PRKAR1A: variants seen among roughly 807,000 people sequenced by gnomAD.
PRKAR1A encodes cAMP-dependent protein kinase type I-alpha regulatory subunit.
PRKAR1A carries 3 observed loss-of-function variants against 52.0 expected under a neutral mutation model. The ratio of observed to expected loss-of-function variants is 0.06; its 90% CI spans 0.03 to 0.15. PRKAR1A has a LOEUF of 0.15. Among genes scored for constraint, PRKAR1A ranks in the 10% least tolerant of loss-of-function variants. The pLI is 1.00. For missense variants in PRKAR1A, 240 were observed against 477.4 expected, an observed-to-expected ratio of 0.50 and a Z score of 4.63; for synonymous variants, 188 against 168.4, an observed-to-expected ratio of 1.12 and a Z score of -0.90.
chr17:68,520,697 T>G (rs1307350920), intron 2 of PRKAR1A, among the ~76,000 whole-genome samples: 1 of 152,144 alleles, frequency 6.6e-6, no homozygotes, highest in Admixed American at 6.5e-5. Flanking sequence ...AGTTGTCAGA[T>G]TAGGTTATAT....
chr17:68,420,548 C>CA, the PRKAR1A span: 4 of 1,449,872 alleles, frequency 2.8e-6, no homozygotes, highest in East Asian at 9.1e-5. Flanking sequence ...TCTTTACAAA[C>CA]ACACGCTTTA....
At chr17:68,451,006 G>A in the PRKAR1A span, 4 of 1,422,694 alleles carry the variant, frequency 2.8e-6, no homozygotes, top group Non-Finnish European at 2.8e-6. Context: ...GGTTCTCCGG[G>A]TCTTGCCGGC....
Position 68,533,423 on chromosome 17 carries a change from T to C in PRKAR1A, c.*2974T>C. On this transcript the variant is annotated 3_prime_UTR_variant, in exon 11 of 11. Transcript: ENST00000589228. ...CTTTAGAGTCACAATAAAATGTAAC[T>C]AAAGAAAATTTCTCTGGGTTGACAG... 1 of 1,056,458 alleles carries C rather than the reference T, an allele frequency of 9.5e-7. No homozygotes were observed. The highest frequency in any genetic ancestry group is 5.2e-5 in the East Asian group (1 of 19,054). The allele number at this position is 1,056,458 out of a possible 1,614,324, so 65.4% of individuals were successfully genotyped here. A position where few individuals can be genotyped will look rare whatever the true frequency, so the allele number is the denominator to read the frequency against.
At chr17:68,490,034 A>C in the PRKAR1A span, among the ~76,000 whole-genome samples, 2 of 152,214 alleles carry the variant, frequency 1.3e-5, no homozygotes, top group Non-Finnish European at 2.9e-5. Flanking sequence ...TGTTTAGAAA[A>C]GGAGATGAGC....
At chr17:68,421,704 C>T in the PRKAR1A span, 1 of 1,608,876 alleles carries the variant, frequency 6.2e-7, no homozygotes, top group Non-Finnish European at 8.5e-7. Flanking sequence ...CTCCATTCTT[C>T]CGCCTTCCTT....
the PRKAR1A span, chr17:68,457,496 C>T: frequency 2.4e-6 from 3 of 1,276,080 alleles, no homozygotes; most frequent in African/African-American, 3.2e-5. Flanking sequence ...GCCGGCTCCA[C>T]GGGCCGGGTC....
chr17:68,490,730 A>C, the PRKAR1A span, among the ~76,000 whole-genome samples: 8 of 151,870 alleles, frequency 5.3e-5, no homozygotes, highest in Non-Finnish European at 8.8e-5. Context: ...AAAAGAAAGC[A>C]CTCCCTCTAC....
At chr17:68,424,534 GGC>G in the PRKAR1A span, 1 of 532,992 alleles carries the variant, frequency 1.9e-6, no homozygotes. Context: ...GTGCCCAAGT[GGC>G]AGCTCCTCTC....
At chr17:68,500,115 C>G in the PRKAR1A span, among the ~76,000 whole-genome samples, 2 of 152,220 alleles carry the variant, frequency 1.3e-5, no homozygotes, top group East Asian at 3.8e-4. Flanking sequence ...GGATGACTCA[C>G]AGACTTCTGA....
intron 1 of PRKAR1A, chr17:68,513,104 T>A (rs540373162): frequency 1.2e-4 from 16 of 137,978 alleles, no homozygotes; most frequent in African/African-American, 4.2e-4. Context: ...CTTGTCCCCT[T>A]TCACCTCTCT....
At chr17:68,478,638 G>A in the PRKAR1A span, among the ~76,000 whole-genome samples, 2 of 151,552 alleles carry the variant, frequency 1.3e-5, no homozygotes, top group South Asian at 4.2e-4. Context: ...ATCTGAATGT[G>A]TCTATATTTT....
chr17:68,516,686 CTGAT>C (rs889052213), intron 2 of PRKAR1A, among the ~76,000 whole-genome samples: 8 of 151,762 alleles, frequency 5.3e-5, no homozygotes, highest in Admixed American at 5.3e-4. Context: ...TCTTTAAAAA[CTGAT>C]TGTTAAAATT....
At chr17:68,510,155 T>TAGAG (rs1373007194), upstream of PRKAR1A, among the ~76,000 whole-genome samples, 1 of 74,374 alleles carries the variant, frequency 1.3e-5, no homozygotes, top group Admixed American at 1.4e-4. Context: ...TATATATATG[T>TAGAG]AGACAGAGAG....
chr17:68,537,467 C>T (rs944183650), downstream of PRKAR1A: 3 of 1,613,978 alleles, frequency 1.9e-6, no homozygotes, highest in African/African-American at 4.0e-5. This position sits in a 1 kb window ranked among gnomAD's most constrained non-coding sequence, Gnocchi z 4.2. Flanking sequence ...AAACTGGACT[C>T]TGCCAGCCCT....
At chr17:68,424,173 T>C in the PRKAR1A span, among the ~76,000 whole-genome samples, 1 of 152,098 alleles carries the variant, frequency 6.6e-6, no homozygotes, top group Admixed American at 6.6e-5. Flanking sequence ...GTTTTGAAGT[T>C]TATAATTAGT....
the PRKAR1A span, chr17:68,428,793 C>G: frequency 6.5e-7 from 1 of 1,533,818 alleles, no homozygotes; most frequent in Non-Finnish European, 9.0e-7. Flanking sequence ...ACGACCAGCT[C>G]TCGAAAGGCT....
rs754871684 is a variant in PRKAR1A, at chr17:68,542,092, G to C, written c.974-8992G>C. ...AGGCAGAGAGGGAACCCTCCAGCAG[G>C]TGTGGGTTGCCACAGACAGCATACT... On this transcript the variant is annotated intron_variant, in intron 11 of 11. Coordinates refer to the PRKAR1A transcript ENST00000585981. The C allele has an allele frequency of 2.5e-6, 4 of 1,613,994 alleles. No individual in the cohort carries two copies. In the Admixed American group the frequency reaches 5.0e-5, roughly 20 times the overall value.
the PRKAR1A span, among the ~76,000 whole-genome samples, chr17:68,424,738 A>C: frequency 6.6e-6 from 1 of 152,168 alleles, no homozygotes; most frequent in African/African-American, 2.4e-5. Context: ...TTAGTTGGGC[A>C]TGGTGGCGCA....
At chr17:68,487,072 C>T in the PRKAR1A span, among the ~76,000 whole-genome samples, 14 of 152,114 alleles carry the variant, frequency 9.2e-5, no homozygotes, top group African/African-American at 3.4e-4. Context: ...TGGGATTTCA[C>T]CATGTTAGCC....
Sources: gnomAD v4.1 joint callset for allele counts (sites outside exome capture counted in the v4.1 genomes callset) on GRCh38, gnomAD v4.1.1 for gene constraint, Gnocchi (gnomAD v3.1) non-coding constraint, MANE v1.5 for transcripts, NCBI Gene and HGNC (gene_info 2026-07-23, HGNC 2026-07-21) for gene names.